IRS1: variants seen among roughly 807,000 people sequenced by gnomAD.
The protein encoded by IRS1 is insulin receptor substrate 1.
IRS1 carries 34 observed loss-of-function variants against 65.6 expected under a neutral mutation model. The observed-to-expected ratio is 0.52, with a 90% CI of 0.39 to 0.69. The LOEUF (loss-of-function observed/expected upper bound fraction) is 0.69, where lower values mean the gene tolerates loss of function less well. Ranked by LOEUF, IRS1 falls within the 30% of genes least tolerant of loss-of-function variation. The pLI, the probability that IRS1 is intolerant of heterozygous loss-of-function variation, is 0.00. For synonymous variants in IRS1, 699 were observed against 683.5 expected (o/e 1.02, Z -0.35); for missense variants, 1,641 against 1,720.2 (o/e 0.95, Z 0.81).
chr2:226,766,148 TATATA>T lies in IRS1; in HGVS notation c.*21+28836_*21+28840del, dbSNP rs1559152025. 2.7e-3 allele frequency among the ~76,000 whole-genome samples: 20 copies of T among 7,430 alleles called. 2 individuals are homozygous for T. The highest frequency in any genetic ancestry group is 3.0e-3 in the African/African-American group (9 of 3,036). 4.9% of individuals were successfully genotyped at this position (7,430 alleles called of 152,430 possible). A position where few individuals can be genotyped will look rare whatever the true frequency, so the allele number is the denominator to read the frequency against. On this transcript the variant is annotated intron_variant, in intron 1 of 1. Coordinates refer to ENST00000305123, the MANE Select transcript of IRS1 (RefSeq NM_005544.3). ...ATATATATATATATATATATATATA[TATATA>T]TATATATATATTTTTTTTTTTTTTT...
At chr2:226,787,755 AG>A (rs1369193966) in intron 1 of IRS1, among the ~76,000 whole-genome samples, 10 of 152,208 alleles carry the variant, frequency 6.6e-5, no homozygotes, top group African/African-American at 9.7e-5. Context: ...CTAAAACTCA[AG>A]GGTAAACATA....
chr2:226,779,801 G>A (rs1251569928), intron 1 of IRS1, among the ~76,000 whole-genome samples: 1 of 152,160 alleles, frequency 6.6e-6, no homozygotes, highest in African/African-American at 2.4e-5. Flanking sequence ...CATTACTTTG[G>A]TCATTACACC....
In IRS1 at chr2:226,732,507, T is replaced by C. The variant is rs1327516627; in HGVS notation, c.*3765A>G. On this transcript the variant is annotated 3_prime_UTR_variant, in exon 2 of 2. Transcript: ENST00000305123. ...ATATATATATACACACACACACATA[T>C]GTGTATCTATATATGTGTGTATATA... 4 of 148,146 alleles carry C rather than the reference T, an allele frequency of 2.7e-5. No homozygotes were observed. Among genetic ancestry groups the C allele is most frequent in the Admixed American group, 1.4e-4 (2 of 14,742 alleles). The allele number at this position is 148,146 out of a possible 1,614,324, so 9.2% of individuals were successfully genotyped here.
In IRS1 at chr2:226,799,606, G is replaced by A; in HGVS notation, c.-868C>T. The A allele has an allele frequency of 9.9e-7, 1 of 1,011,098 alleles. No homozygotes were observed. The highest frequency in any genetic ancestry group is 1.2e-6 in the Non-Finnish European group (1 of 836,814). The allele number at this position is 1,011,098 out of a possible 1,614,324, so 62.6% of individuals were successfully genotyped here. ...ATGGGGGAGGTTTGGGAAGGGTTCGGGGAAGACGCCTGTTCCTCGGGAGGC... is the reference window on the plus strand; with the variant it reads ...ATGGGGGAGGTTTGGGAAGGGTTCGAGGAAGACGCCTGTTCCTCGGGAGGC... On this transcript the variant is annotated 5_prime_UTR_variant, in exon 1 of 2. Transcript: ENST00000305123. This position sits in a 1 kb window ranked among gnomAD's most constrained non-coding sequence, Gnocchi z 6.1.
At chr2:226,744,982 C>A (rs1353725799) in intron 1 of IRS1, among the ~76,000 whole-genome samples, 1 of 151,990 alleles carries the variant, frequency 6.6e-6, no homozygotes, top group African/African-American at 2.4e-5. Context: ...AGAAACACTC[C>A]CTCTCTGAAA....
intron 1 of IRS1, among the ~76,000 whole-genome samples, chr2:226,778,081 T>C (rs1003038446): frequency 2.6e-5 from 4 of 152,184 alleles, no homozygotes; most frequent in African/African-American, 9.6e-5. Flanking sequence ...AACTGATTAG[T>C]TGCAGTACCA....
At position 226,752,566 on chromosome 2, in the gene IRS1, TTAGGAAATGA is replaced by T. The variant is rs372317434; in HGVS notation, c.*22-16326_*22-16317del. Among the ~76,000 whole-genome samples, 351 of 152,298 alleles carry T rather than the reference TTAGGAAATGA, an allele frequency of 2.3e-3. 1 individual carries two copies. Among genetic ancestry groups the T allele is most frequent in the African/African-American group, 7.8e-3 (324 of 41,560 alleles). On this transcript the variant is annotated intron_variant, in intron 1 of 1. Transcript: ENST00000305123. ...CTGCAAGCATAGGCTACTAAAGATT[TTAGGAAATGA>T]TAGGAAATGATGAGGTGGCCAGAGA... is the stretch of plus-strand genomic sequence containing the variant.
chr2:226,746,618 G>T (rs930871396), intron 1 of IRS1, among the ~76,000 whole-genome samples: 1 of 151,866 alleles, frequency 6.6e-6, no homozygotes, highest in Non-Finnish European at 1.5e-5. Context: ...ATGAGGGGTC[G>T]ACCTTTCACC....
chr2:226,760,326 A>G (rs1938892045), intron 1 of IRS1, among the ~76,000 whole-genome samples: 1 of 152,188 alleles, frequency 6.6e-6, no homozygotes, highest in Non-Finnish European at 1.5e-5. Context: ...GCTTTACTAA[A>G]ATGTTCCTTA....
chr2:226,787,827 T>C (rs1016229632), intron 1 of IRS1, among the ~76,000 whole-genome samples: 2 of 152,152 alleles, frequency 1.3e-5, no homozygotes, highest in African/African-American at 2.4e-5. Flanking sequence ...GACATGATGA[T>C]TGGAGAAGAT....
In IRS1 at chr2:226,751,274, A is replaced by ATTTTTTTTT. The variant is rs35699614; in HGVS notation, c.*22-15033_*22-15025dup. Among the ~76,000 whole-genome samples, 202 of 77,548 alleles carry ATTTTTTTTT rather than the reference A, an allele frequency of 2.6e-3. 15 individuals carry two copies. Among genetic ancestry groups the ATTTTTTTTT allele is most frequent in the East Asian group, 5.0e-3 (12 of 2,388 alleles). The allele number at this position is 77,548 out of a possible 152,430, so 50.9% of individuals were successfully genotyped here. Reference sequence around the variant, plus strand: ...ATTCCTTAAAAGACTCCACACGGGTATTTTTTTTTTTTTTTTTTTTTTTTT... The same window carrying ATTTTTTTTT: ...ATTCCTTAAAAGACTCCACACGGGTATTTTTTTTTTTTTTTTTTTTTTTTTTTTTTTTTT... On this transcript the variant is annotated intron_variant, in intron 1 of 1. Transcript: ENST00000305123.
intron 1 of IRS1, among the ~76,000 whole-genome samples, chr2:226,775,686 T>C (rs1327082718): frequency 6.6e-6 from 1 of 152,176 alleles, no homozygotes; most frequent in Admixed American, 6.5e-5. Flanking sequence ...GTCCATCAGG[T>C]ATCTGTGGGG....
At chr2:226,785,535 G>A (rs547618205) in intron 1 of IRS1, among the ~76,000 whole-genome samples, 14 of 152,276 alleles carry the variant, frequency 9.2e-5, no homozygotes, top group Middle Eastern at 3.4e-3. Context: ...CCTGGGAGGC[G>A]AAGGTTGCAG....
At position 226,767,053 on chromosome 2, in the gene IRS1, C is replaced by T. The variant is rs545129361; in HGVS notation, c.*21+27936G>A. On this transcript the variant is annotated intron_variant, in intron 1 of 1. Transcript: ENST00000305123. ...AAAAGGCAATGAAGGTCAAAGCAAA[C>T]TCACATTTACCTGATTAGTGCCAAA... Among the ~76,000 whole-genome samples, 3 of 151,224 alleles carry T rather than the reference C, an allele frequency of 2.0e-5. No individual in the cohort carries two copies. In the South Asian group the frequency reaches 6.3e-4, roughly 32 times the overall value.
chr2:226,777,520 G>T (rs1939297494), intron 1 of IRS1, among the ~76,000 whole-genome samples: 1 of 152,122 alleles, frequency 6.6e-6, no homozygotes, highest in African/African-American at 2.4e-5. Flanking sequence ...TTCTTTTAGA[G>T]GAAACTCGCT....
intron 1 of IRS1, among the ~76,000 whole-genome samples, chr2:226,790,489 A>G (rs1559157344): frequency 1.3e-5 from 2 of 152,234 alleles, no homozygotes; most frequent in South Asian, 4.1e-4. Flanking sequence ...ATACCTAAAC[A>G]ATTGCAAACA....
rs1801123 is a variant in IRS1 at position 226,796,327 on chromosome 2, T to C, written c.2412A>G (p.Ala804=). The change falls in exon 1 of 2, where the codon GCA becomes GCG. Residue 804 remains alanine (A), a synonymous_variant. Transcript: ENST00000305123. ...SSGRLLYAAT[A]DDSSSSTSSD... ...TGCTGGTGGAAGAGGAAGAATCATCTGCTGTTGCAGCATAGAGAAGGCGAC... is the reference window on the plus strand; with the variant it reads ...TGCTGGTGGAAGAGGAAGAATCATCCGCTGTTGCAGCATAGAGAAGGCGAC... 204,413 of 1,613,290 alleles carry C rather than the reference T, an allele frequency of 0.13. 20,336 individuals are homozygous for C. The highest frequency in any genetic ancestry group is 0.42 in the African/African-American group (31,745 of 74,996).
At chr2:226,760,561 G>A (rs562938164) in intron 1 of IRS1, among the ~76,000 whole-genome samples, 1 of 152,116 alleles carries the variant, frequency 6.6e-6, no homozygotes, top group Non-Finnish European at 1.5e-5. Context: ...AATGCAACCT[G>A]GCATTTACAT....
chr2:226,767,853 C>T (rs1288713602), intron 1 of IRS1, among the ~76,000 whole-genome samples: 1 of 152,120 alleles, frequency 6.6e-6, no homozygotes, highest in South Asian at 2.1e-4. Flanking sequence ...AGGAGTAACA[C>T]GTCACACAGA....
Sources: allele counts gnomAD v4.1 joint callset (sites outside exome capture counted in the v4.1 genomes callset), GRCh38; gene constraint gnomAD v4.1.1; non-coding constraint Gnocchi (gnomAD v3.1); transcripts MANE v1.5; gene names NCBI Gene and HGNC (gene_info 2026-07-23, HGNC 2026-07-21).